Variants in AGBL4 observed in about 807,000 individuals in gnomAD.
The protein encoded by AGBL4 is cytosolic carboxypeptidase 6.
A neutral mutation model predicts 66.4 loss-of-function variants in AGBL4; 58 were observed. That is an observed-to-expected ratio of 0.87 (90% CI 0.71 to 1.09). The LOEUF (loss-of-function observed/expected upper bound fraction) is 1.09, where lower values mean the gene tolerates loss of function less well. Ranked by LOEUF, AGBL4 falls within the 50% of genes least tolerant of loss-of-function variation. The pLI is 0.00. For synonymous variants in AGBL4, 234 were observed against 222.9 expected (o/e 1.05, Z -0.44); for missense variants, 579 against 631.0 (o/e 0.92, Z 0.88).
intron 4 of AGBL4, among the ~76,000 whole-genome samples, chr1:49,238,202 A>T (rs528147444): frequency 2.4e-4 from 36 of 152,096 alleles, no homozygotes; most frequent in African/African-American, 8.0e-4. Flanking sequence ...TGGTTTCTCA[A>T]ATTTGTAGGT....
At chr1:48,634,923 C>T (rs1225094856) in intron 8 of AGBL4, among the ~76,000 whole-genome samples, 2 of 152,344 alleles carry the variant, frequency 1.3e-5, no homozygotes, top group Admixed American at 6.5e-5. Context: ...ATCTTCTCCA[C>T]ACTGCAGCTG....
At chr1:48,832,040 C>G (rs1254711880) in intron 6 of AGBL4, among the ~76,000 whole-genome samples, 1 of 152,124 alleles carries the variant, frequency 6.6e-6, no homozygotes, top group African/African-American at 2.4e-5. Flanking sequence ...TTTAATTATC[C>G]CCATTTTATA....
At chr1:49,509,671 T>G (rs1318707909) in intron 3 of AGBL4, among the ~76,000 whole-genome samples, 1 of 151,972 alleles carries the variant, frequency 6.6e-6, no homozygotes, top group Non-Finnish European at 1.5e-5. Flanking sequence ...TATTACATAA[T>G]GTTTAAGAGC....
chr1:48,744,876 C>G (rs1379331203), intron 6 of AGBL4, among the ~76,000 whole-genome samples: 1 of 152,162 alleles, frequency 6.6e-6, no homozygotes, highest in Non-Finnish European at 1.5e-5. Context: ...TGTTCCAGGC[C>G]TCTGTGCTGT....
At chr1:50,004,228 A>G (rs1202774709) in intron 1 of AGBL4, among the ~76,000 whole-genome samples, 7 of 152,198 alleles carry the variant, frequency 4.6e-5, no homozygotes, top group African/African-American at 9.6e-5. Flanking sequence ...CAGTGCCCCC[A>G]GAAGGAACAT....
chr1:49,655,291 T>G (rs994072510), intron 3 of AGBL4, among the ~76,000 whole-genome samples: 3 of 152,246 alleles, frequency 2.0e-5, no homozygotes, highest in Admixed American at 6.5e-5. Context: ...TTGTAGAGTT[T>G]CTGCCAAGAG....
At chr1:49,078,530 T>G (rs1644751536) in intron 4 of AGBL4, among the ~76,000 whole-genome samples, 1 of 152,168 alleles carries the variant, frequency 6.6e-6, no homozygotes, top group Non-Finnish European at 1.5e-5. Flanking sequence ...ACCTTAAATT[T>G]ACAAGCAAGT....
At chr1:49,702,293 C>T (rs1459674666) in intron 2 of AGBL4, among the ~76,000 whole-genome samples, 1 of 152,036 alleles carries the variant, frequency 6.6e-6, no homozygotes, top group Non-Finnish European at 1.5e-5. Flanking sequence ...GAGATGGAGA[C>T]CATCCTGGCC....
intron 2 of AGBL4, among the ~76,000 whole-genome samples, chr1:49,794,758 T>C (rs1010077233): frequency 5.3e-5 from 8 of 152,008 alleles, no homozygotes; most frequent in Admixed American, 3.3e-4. Flanking sequence ...AGGAATTCAT[T>C]AAATAATTGG....
At chr1:48,883,988 CA>C (rs1650044478) in intron 5 of AGBL4, among the ~76,000 whole-genome samples, 1 of 152,172 alleles carries the variant, frequency 6.6e-6, no homozygotes, top group African/African-American at 2.4e-5. Flanking sequence ...TTTGTTTTCC[CA>C]GCTACAGTCC....
chr1:49,649,631 A>C (rs533508399), intron 3 of AGBL4, among the ~76,000 whole-genome samples: 1 of 152,282 alleles, frequency 6.6e-6, no homozygotes, highest in Admixed American at 6.5e-5. Context: ...AAATCATTAT[A>C]ATCACCATCA....
At chr1:49,822,111 T>G (rs1343726357) in intron 2 of AGBL4, among the ~76,000 whole-genome samples, 1 of 152,080 alleles carries the variant, frequency 6.6e-6, no homozygotes, top group Admixed American at 6.5e-5. Context: ...ATGAGAAAAT[T>G]CTGTGTAATA....
chr1:49,798,609 AT>A, intron 2 of AGBL4, among the ~76,000 whole-genome samples: 1 of 152,302 alleles, frequency 6.6e-6, no homozygotes, highest in African/African-American at 2.4e-5. Context: ...GCATCTATTC[AT>A]CTACTGACTG....
At chr1:49,603,592 A>C (rs1645006514) in intron 3 of AGBL4, among the ~76,000 whole-genome samples, 1 of 151,866 alleles carries the variant, frequency 6.6e-6, no homozygotes, top group Non-Finnish European at 1.5e-5. Context: ...ATAGAAAGGG[A>C]AGAGTTTAAG....
At chr1:49,068,389 C>T (rs1296693272) in intron 4 of AGBL4, among the ~76,000 whole-genome samples, 1 of 149,398 alleles carries the variant, frequency 6.7e-6, no homozygotes, top group Non-Finnish European at 1.5e-5. Flanking sequence ...CATACCCCCA[C>T]CCCCCAACAG....
chr1:49,525,851 G>T (rs1570949261), intron 3 of AGBL4, among the ~76,000 whole-genome samples: 1 of 151,954 alleles, frequency 6.6e-6, no homozygotes, highest in Admixed American at 6.5e-5. Context: ...ACTTTGGGAG[G>T]CCAAGGCGGG....
chr1:49,374,246 A>T (rs1461936276), intron 3 of AGBL4: 1 of 152,016 alleles, frequency 6.6e-6, no homozygotes, highest in East Asian at 1.9e-4. Flanking sequence ...TTGAAAAAAA[A>T]TTACTGAGCT....
chr1:49,464,286 T>C (rs1646578856), intron 3 of AGBL4, among the ~76,000 whole-genome samples: 1 of 151,668 alleles, frequency 6.6e-6, no homozygotes, highest in African/African-American at 2.4e-5. Flanking sequence ...TAAATGGAGA[T>C]TATTACTGTT....
In AGBL4 at chr1:48,795,078, T is replaced by A. The variant is rs775971448; in HGVS notation, c.634+72113A>T. The stretch of plus-strand genomic sequence containing the variant: ...TCCCATGGATTCTGCACCATATATA[T>A]CTTTCAAATCTATTTCACTTCTTCT... On this transcript the variant is annotated intron_variant, in intron 6 of 13. Coordinates refer to ENST00000371839, the MANE Select transcript of AGBL4 (RefSeq NM_032785.4). 2.6e-5 allele frequency among the ~76,000 whole-genome samples: 4 copies of A among 152,174 alleles called. No individual in the cohort carries two copies. In the East Asian group the frequency reaches 5.8e-4, roughly 22 times the overall value.
Sources: allele counts gnomAD v4.1 joint callset (sites outside exome capture counted in the v4.1 genomes callset), GRCh38; gene constraint gnomAD v4.1.1; transcripts MANE v1.5; gene names NCBI Gene and HGNC (gene_info 2026-07-23, HGNC 2026-07-21).